IFI44L: variants seen among roughly 807,000 people sequenced by gnomAD.
The protein encoded by IFI44L is interferon induced protein 44 like.
IFI44L carries 40 observed loss-of-function variants against 39.3 expected under a neutral mutation model. The ratio of observed to expected loss-of-function variants is 1.02; its 90% CI spans 0.79 to 1.33. IFI44L has a LOEUF of 1.33. Ranked by LOEUF, IFI44L falls within the 40% of genes most tolerant of loss-of-function variation. The pLI, the probability that IFI44L is intolerant of heterozygous loss-of-function variation, is 0.00. For missense variants in IFI44L, 623 were observed against 549.0 expected (o/e 1.13, Z -1.35); for synonymous variants, 198 against 182.3 (o/e 1.09, Z -0.69).
chr1:78,635,341 G>A lies in IFI44L; in HGVS notation c.728G>A (p.Arg243Lys). 1 of 1,589,466 alleles carries A rather than the reference G, an allele frequency of 6.3e-7. No homozygotes were observed. Residue 243 changes from arginine to lysine, a missense_variant, in exon 5 of 9, where the codon AGG becomes AAG. Arg to Lys is a conservative substitution (Grantham distance 26, BLOSUM62 2). Transcript: ENST00000370751. ...SDITSITERY[R>K]IYSVKDGKNG... is the part of the protein sequence containing the mutation. ...CTTAATGTATTTTTTTAACAGTATA[G>A]GATATATTCTGTTAAAGATGGAAAA... is the stretch of plus-strand genomic sequence containing the variant.
At chr1:78,640,813 T>C (rs1266830840) in intron 6 of IFI44L, among the ~76,000 whole-genome samples, 1 of 152,126 alleles carries the variant, frequency 6.6e-6, no homozygotes, top group Admixed American at 6.6e-5. Context: ...TTAGTTGCAT[T>C]GAAAAATGCT....
At position 78,628,018 on chromosome 1, in the gene IFI44L, G is replaced by A; in HGVS notation, c.103G>A (p.Gly35Ser). ...SLLYKSSVHG[G>S]SIEDMVERCS... The stretch of plus-strand genomic sequence containing the variant: ...TCTCTATAAGTCTAGTGTTCATGGA[G>A]GTAGCATTGAAGATATGGTTGAAAG... Residue 35 changes from glycine (G) to serine (S), a missense_variant, in exon 2 of 9, where the codon GGT becomes AGT. Transcript: ENST00000370751. The A allele has an allele frequency of 6.2e-7, 1 of 1,613,150 alleles. No individual in the cohort carries two copies. Among genetic ancestry groups the A allele is most frequent in the Non-Finnish European group, 8.5e-7 (1 of 1,179,400 alleles).
intron 3 of IFI44L, 64 bp downstream of exon 3, chr1:78,629,063 G>T: frequency 1.0e-6 from 1 of 969,454 alleles, no homozygotes; most frequent in South Asian, 1.3e-5. Flanking sequence ...AAAGAATGCT[G>T]ACAAATATGT....
intron 6 of IFI44L, among the ~76,000 whole-genome samples, chr1:78,638,802 A>G (rs1001043317): frequency 6.6e-6 from 1 of 152,120 alleles, no homozygotes; most frequent in Non-Finnish European, 1.5e-5. Context: ...CATCTTTGTC[A>G]TCTAATTAGG....
chr1:78,631,169 G>C (rs771752426), intron 4 of IFI44L, among the ~76,000 whole-genome samples: 1 of 152,090 alleles, frequency 6.6e-6, no homozygotes, highest in Non-Finnish European at 1.5e-5. Flanking sequence ...ATATAGGGCA[G>C]ACTTTTATGA....
At position 78,643,962 on chromosome 1, in the gene IFI44L, G is replaced by A. The variant is rs1030146861; in HGVS notation, c.*2153G>A. On this transcript the variant is annotated 3_prime_UTR_variant, in exon 9 of 9. Coordinates refer to ENST00000370751, the MANE Select transcript of IFI44L (RefSeq NM_006820.4). Reference sequence around the variant, plus strand: ...GTACTTAGCTGTGTTTTTATTCAAAGTCTACATTTTATGTAGTGGTTAATG... The same window carrying A: ...GTACTTAGCTGTGTTTTTATTCAAAATCTACATTTTATGTAGTGGTTAATG... 1 of 152,138 alleles carries A rather than the reference G, an allele frequency of 6.6e-6. No homozygotes were observed. Among genetic ancestry groups the A allele is most frequent in the African/African-American group, 2.4e-5 (1 of 41,416 alleles). The allele number at this position is 152,138 out of a possible 1,614,324, so 9.4% of individuals were successfully genotyped here.
intron 4 of IFI44L, among the ~76,000 whole-genome samples, chr1:78,633,881 G>A (rs919017229): frequency 5.3e-5 from 8 of 152,034 alleles, no homozygotes; most frequent in African/African-American, 1.4e-4. Flanking sequence ...TAGAAAGGTT[G>A]TAATAATTAT....
intron 4 of IFI44L, among the ~76,000 whole-genome samples, chr1:78,632,055 T>C (rs1210498035): frequency 6.6e-6 from 1 of 151,468 alleles, no homozygotes; most frequent in African/African-American, 2.5e-5. Flanking sequence ...GCTCATAAAG[T>C]ACTTCTAATG....
chr1:78,634,887 A>C (rs9701890), intron 4 of IFI44L, among the ~76,000 whole-genome samples: 1 of 151,662 alleles, frequency 6.6e-6, no homozygotes, highest in Non-Finnish European at 1.5e-5. Flanking sequence ...ATAACCAGTT[A>C]CAAATATGTT....
intron 6 of IFI44L, among the ~76,000 whole-genome samples, chr1:78,638,863 T>C (rs1181204344): frequency 6.6e-6 from 1 of 152,144 alleles, no homozygotes; most frequent in Non-Finnish European, 1.5e-5. Context: ...ATTTCCTGGG[T>C]TTTGATGTGA....
In IFI44L at chr1:78,646,109, A is replaced by AATTTTTTTTTTTTTTTTTT. The variant is rs1647045998; in HGVS notation, c.*4300_*4301insATTTTTTTTTTTTTTTTTT. On this transcript the variant is annotated 3_prime_UTR_variant, in exon 9 of 9. Transcript: ENST00000370751. ...TGCACATTCCATGACAATATATGTC[A>AATTTTTTTTTTTTTTTTTT]CATTTTTAAAATAAATGCAAAGAAG... The AATTTTTTTTTTTTTTTTTT allele has an allele frequency of 2.0e-5, 3 of 152,330 alleles. No homozygotes were observed. The highest frequency in any genetic ancestry group is 2.0e-4 in the Admixed American group (3 of 15,290). 9.4% of individuals were successfully genotyped at this position (152,330 alleles called of 1,614,324 possible). A position where few individuals can be genotyped will look rare whatever the true frequency, so the allele number is the denominator to read the frequency against.
At chr1:78,640,567 A>G (rs1456307095) in intron 6 of IFI44L, among the ~76,000 whole-genome samples, 1 of 152,130 alleles carries the variant, frequency 6.6e-6, no homozygotes, top group Non-Finnish European at 1.5e-5. Context: ...TTAGAAGTCA[A>G]ATGTGATTTA....
At chr1:78,632,242 A>G (rs1652776373) in intron 4 of IFI44L, among the ~76,000 whole-genome samples, 1 of 152,174 alleles carries the variant, frequency 6.6e-6, no homozygotes, top group Non-Finnish European at 1.5e-5. Flanking sequence ...AATAAAGAAC[A>G]AAAACAAAAA....
chr1:78,633,688 C>CA (rs1652836913), intron 4 of IFI44L, among the ~76,000 whole-genome samples: 1 of 152,106 alleles, frequency 6.6e-6, no homozygotes, highest in Non-Finnish European at 1.5e-5. Flanking sequence ...ATCAGGGTAA[C>CA]ATGACGTCAG....
intron 6 of IFI44L, among the ~76,000 whole-genome samples, chr1:78,638,564 C>T (rs1653036846): frequency 6.6e-6 from 1 of 152,026 alleles, no homozygotes; most frequent in Non-Finnish European, 1.5e-5. Context: ...TTTGAATTCA[C>T]TTGTTCATCA....
chr1:78,636,285 C>G (rs1234666252), intron 5 of IFI44L, among the ~76,000 whole-genome samples: 1 of 152,002 alleles, frequency 6.6e-6, no homozygotes. Flanking sequence ...AATCCTTATC[C>G]TCCAGGAGTT....
At chr1:78,631,464 C>G (rs1170244280) in intron 4 of IFI44L, 3 of 152,166 alleles carry the variant, frequency 2.0e-5, no homozygotes, top group Non-Finnish European at 4.4e-5. Context: ...ATAGACTGTT[C>G]TCTCCCTTCT....
intron 1 of IFI44L, among the ~76,000 whole-genome samples, chr1:78,625,011 A>T (rs1652431828): frequency 6.7e-6 from 1 of 149,594 alleles, no homozygotes; most frequent in Non-Finnish European, 1.5e-5. Flanking sequence ...TGGGGACAGC[A>T]TGCTGTTGTA....
chr1:78,628,960 A>T lies in IFI44L; in HGVS notation c.488A>T (p.Asp163Val), dbSNP rs776748084. 12 of 1,572,564 alleles carry T rather than the reference A, an allele frequency of 7.6e-6. No individual in the cohort carries two copies. In the South Asian group the frequency reaches 1.3e-4, roughly 17 times the overall value. ...TGTTTATTTCCTATAGGAATTAAGGATAACCTAGACGACATAAAGAGGATA... is the reference window on the plus strand; with the variant it reads ...TGTTTATTTCCTATAGGAATTAAGGTTAACCTAGACGACATAAAGAGGATA... Reference protein sequence around the residue: ...CEVFRVEGIKDNLDDIKRIIK... With the variant: ...CEVFRVEGIKVNLDDIKRIIK... Residue 163 changes from aspartate to valine, a missense_variant, in exon 3 of 9, where the codon GAT becomes GTT. Asp to Val is a radical substitution (Grantham distance 152, BLOSUM62 -3). Transcript: ENST00000370751.
Sources: allele counts gnomAD v4.1 joint callset (sites outside exome capture counted in the v4.1 genomes callset), GRCh38; gene constraint gnomAD v4.1.1; transcripts MANE v1.5; gene names NCBI Gene and HGNC (gene_info 2026-07-23, HGNC 2026-07-21).